MGA: variants seen among roughly 807,000 people sequenced by gnomAD.
MGA encodes the protein MAX dimerization protein MGA, also known as MAX gene-associated protein.
In MGA, 40 loss-of-function variants were observed where a neutral mutation model predicts 261.1. The ratio of observed to expected loss-of-function variants is 0.15; its 90% CI spans 0.12 to 0.20. The LOEUF (loss-of-function observed/expected upper bound fraction) is 0.20, where lower values mean the gene tolerates loss of function less well. Among genes scored for constraint, MGA ranks in the 10% least tolerant of loss-of-function variants. The pLI, the probability that MGA is intolerant of heterozygous loss-of-function variation, is 1.00. For missense variants in MGA, 3,397 were observed against 3,630.5 expected (o/e 0.94, Z 1.65); for synonymous variants, 1,302 against 1,290.6 (o/e 1.01, Z -0.19).
chr15:41,651,482 TCTC>T (rs2057040920), intron 1 of MGA, among the ~76,000 whole-genome samples: 2 of 152,034 alleles, frequency 1.3e-5, no homozygotes, highest in African/African-American at 4.8e-5. Flanking sequence ...AGCTGAAAAG[TCTC>T]CTCTTCTTCG....
chr15:41,701,620 C>T (rs1340167416), intron 5 of MGA, among the ~76,000 whole-genome samples: 1 of 152,126 alleles, frequency 6.6e-6, no homozygotes, highest in Non-Finnish European at 1.5e-5. Context: ...ACAGCTGCAT[C>T]AGTGGATTGT....
intron 1 of MGA, among the ~76,000 whole-genome samples, chr15:41,648,370 G>C (rs560587253): frequency 2.2e-4 from 34 of 152,270 alleles, no homozygotes; most frequent in Non-Finnish European, 4.0e-4. Context: ...TGCTTCACTG[G>C]TTATTAGGAT....
chr15:41,623,351 G>A (rs1207800323), intron 1 of MGA, among the ~76,000 whole-genome samples: 1 of 152,198 alleles, frequency 6.6e-6, no homozygotes, highest in African/African-American at 2.4e-5. Context: ...TATAAGGTTA[G>A]TGTTATAAAG....
chr15:41,669,575 C>T lies in MGA; in HGVS notation c.681C>T (p.Thr227=), dbSNP rs772535791. Residue 227 remains threonine, a synonymous_variant, in exon 2 of 24, where the codon ACC becomes ACT. Transcript: ENST00000219905. ...ATGGCCCTGGTGTCCACACTTTTACCTTCCCACAGACTGAATTCTTTGCAG... is the reference window on the plus strand; with the variant it reads ...ATGGCCCTGGTGTCCACACTTTTACTTTCCCACAGACTGAATTCTTTGCAG... 1.1e-5 allele frequency: 18 copies of T among 1,613,950 alleles called. No individual in the cohort carries two copies. Among genetic ancestry groups the T allele is most frequent in the Non-Finnish European group, 1.4e-5 (17 of 1,179,890 alleles).
intron 5 of MGA, among the ~76,000 whole-genome samples, chr15:41,700,041 GTTTTTTTTT>G (rs763919635): frequency 9.8e-6 from 1 of 101,572 alleles, no homozygotes; most frequent in Non-Finnish European, 1.9e-5. Flanking sequence ...TGTCATCGAG[GTTTTTTTTT>G]TTTTTTTTTT....
chr15:41,743,403 A>G (rs2062229993), intron 15 of MGA, among the ~76,000 whole-genome samples: 1 of 152,262 alleles, frequency 6.6e-6, no homozygotes, highest in African/African-American at 2.4e-5. Flanking sequence ...ATGCAGTTTT[A>G]TAAGCAGAAC....
At chr15:41,686,004 C>CAA (rs34711774) in intron 2 of MGA, among the ~76,000 whole-genome samples, 14 of 129,096 alleles carry the variant, frequency 1.1e-4, no homozygotes, top group South Asian at 2.5e-4. Flanking sequence ...GACTCTGTCT[C>CAA]AAAAAAAAAA....
intron 1 of MGA, among the ~76,000 whole-genome samples, chr15:41,662,434 C>A (rs1392765602): frequency 1.3e-5 from 2 of 152,206 alleles, no homozygotes; most frequent in Non-Finnish European, 2.9e-5. Context: ...AGGTGCAATT[C>A]TGTGCCTTAA....
intron 1 of MGA, among the ~76,000 whole-genome samples, chr15:41,662,137 A>G (rs982868120): frequency 7.2e-5 from 11 of 152,044 alleles, no homozygotes; most frequent in African/African-American, 2.7e-4. Flanking sequence ...GGTTGTTTCT[A>G]GCGTTTGTGT....
At position 41,696,580 on chromosome 15, in the gene MGA, A is replaced by G. The variant is rs2059558883; in HGVS notation, c.1570A>G (p.Lys524Glu). 6.2e-7 allele frequency: 1 copy of G among 1,613,990 alleles called. No individual in the cohort carries two copies. Among genetic ancestry groups the G allele is most frequent in the South Asian group, 1.1e-5 (1 of 91,086 alleles). Residue 524 changes from lysine to glutamate, a missense_variant, in exon 3 of 24, where the codon AAG becomes GAG. Around this residue, in one of 9 missense-constraint regions of MGA, gnomAD observed 563 missense variants for 563.6 expected, o/e 1.00. Coordinates refer to ENST00000219905, the MANE Select transcript of MGA (RefSeq NM_001164273.2). ...CAATGAGACTGCCTTCTGCTTAGGC[A>G]AGGAATCAGAAAATGGTCTTAGAAA...
At chr15:41,639,185 C>T (rs2056772514) in intron 1 of MGA, among the ~76,000 whole-genome samples, 1 of 152,160 alleles carries the variant, frequency 6.6e-6, no homozygotes, top group African/African-American at 2.4e-5. Context: ...CATCCCACTT[C>T]TGACTTCACC....
intron 17 of MGA, among the ~76,000 whole-genome samples, chr15:41,753,540 C>T (rs2062973042): frequency 6.6e-6 from 1 of 152,072 alleles, no homozygotes; most frequent in Admixed American, 6.6e-5. Context: ...ACTTTGACTC[C>T]TTTTTTGGTA....
chr15:41,637,564 T>C (rs1305049392), intron 1 of MGA, among the ~76,000 whole-genome samples: 1 of 152,104 alleles, frequency 6.6e-6, no homozygotes, highest in East Asian at 1.9e-4. Context: ...GAAAAGCCGA[T>C]TGTGTCCAAC....
chr15:41,689,303 C>G (rs534571981), intron 2 of MGA, among the ~76,000 whole-genome samples: 2 of 151,516 alleles, frequency 1.3e-5, no homozygotes, highest in South Asian at 2.1e-4. Flanking sequence ...CTTACCCTCT[C>G]TCCCTCTTCC....
intron 20 of MGA, 89 bp from the exon 21 acceptor site, chr15:41,761,650 T>C: frequency 1.5e-6 from 1 of 672,444 alleles, no homozygotes. Context: ...CAGATTAAGT[T>C]TTTTTTCATT....
intron 1 of MGA, among the ~76,000 whole-genome samples, chr15:41,653,694 A>T (rs1436608902): frequency 6.6e-6 from 1 of 150,788 alleles, no homozygotes; most frequent in African/African-American, 2.4e-5. Flanking sequence ...CCTGGGAGAC[A>T]GAGTGAGACC....
rs1265891812 is a variant in MGA at position 41,669,005 on chromosome 15, T to A, written c.111T>A (p.Asp37Glu). 5 of 1,613,508 alleles carry A rather than the reference T, an allele frequency of 3.1e-6. No individual in the cohort carries two copies. The highest frequency in any genetic ancestry group is 4.2e-6 in the Non-Finnish European group (5 of 1,179,608). ...AGCAGCCAGGAAATGGCAAAACTGA[T>A]CAAGGAATTTTGGTTACTAATCAGG... The change falls in exon 2 of 24, where the codon GAT becomes GAA. Residue 37 changes from aspartate to glutamate, a missense_variant. Around this residue, in one of 9 missense-constraint regions of MGA, gnomAD observed 81 missense variants for 84.3 expected, o/e 0.96. Transcript: ENST00000219905.
At chr15:41,626,333 G>T (rs535268349) in intron 1 of MGA, among the ~76,000 whole-genome samples, 1 of 149,872 alleles carries the variant, frequency 6.7e-6, no homozygotes, top group Non-Finnish European at 1.5e-5. Context: ...GCACAGGCTG[G>T]TCTCAAACTA....
At chr15:41,759,819 C>G (rs535186020) in intron 19 of MGA, among the ~76,000 whole-genome samples, 1 of 152,018 alleles carries the variant, frequency 6.6e-6, no homozygotes, top group African/African-American at 2.4e-5. Context: ...GGTAAAAAGC[C>G]TGTGTAATGT....
Sources: gnomAD v4.1 joint callset for allele counts (sites outside exome capture counted in the v4.1 genomes callset) on GRCh38, gnomAD v4.1.1 for gene constraint, gnomAD v4.1.1 regional missense constraint, MANE v1.5 for transcripts, NCBI Gene and HGNC (gene_info 2026-07-23, HGNC 2026-07-21) for gene names.